The following TRIM21 variants were observed in gnomAD, a reference collection of about 807,000 sequenced individuals.
TRIM21 encodes tripartite motif containing 21, also known as E3 ubiquitin-protein ligase TRIM21.
Under a neutral mutation model 36.1 loss-of-function variants are expected in TRIM21, and 35 were observed. The observed-to-expected ratio is 0.97, with a 90% CI of 0.74 to 1.28. The LOEUF (loss-of-function observed/expected upper bound fraction) is 1.28, where lower values mean the gene tolerates loss of function less well. TRIM21 is among the 50% of genes most tolerant of loss of function. The pLI is 0.00. For synonymous variants in TRIM21, 256 were observed against 211.5 expected, an observed-to-expected ratio of 1.21 and a Z score of -1.83; for missense variants, 635 against 570.7, an observed-to-expected ratio of 1.11 and a Z score of -1.15.
chr11:4,388,541 A>G lies in TRIM21; in HGVS notation c.505-11T>C. On this transcript the variant is annotated splice_polypyrimidine_tract_variant and intron_variant, in intron 3 of 6. Coordinates refer to ENST00000254436, the MANE Select transcript of TRIM21 (RefSeq NM_003141.4). ...TGTTTCCACTGTTTTCTTTAGTGTC[A>G]AGGGAAAGGGAGAGGTGGTTTTTAT... is the stretch of plus-strand genomic sequence containing the variant. The G allele has an allele frequency of 6.2e-7, 1 of 1,603,014 alleles. No homozygotes were observed. Among genetic ancestry groups the G allele is most frequent in the Non-Finnish European group, 8.5e-7 (1 of 1,178,976 alleles).
At position 4,385,100 on chromosome 11, in the gene TRIM21, G is replaced by C. The variant is rs1400186062; in HGVS notation, c.*185C>G. On this transcript the variant is annotated 3_prime_UTR_variant, in exon 7 of 7. Coordinates refer to ENST00000254436, the MANE Select transcript of TRIM21 (RefSeq NM_003141.4). ...TATAAGGAGGCTGCTTCACTGGAGG[G>C]AATCACAAAGCCATCTGGGGCAGGA... 5 of 579,010 alleles carry C rather than the reference G, an allele frequency of 8.6e-6. No homozygotes were observed. The Admixed American group carries it at 1.7e-4, about 19-fold the overall frequency. The allele number at this position is 579,010 out of a possible 1,614,324, so 35.9% of individuals were successfully genotyped here.
At chr11:4,387,070 C>T in intron 4 of TRIM21, 80 bp from the exon 5 acceptor site, 3 of 1,442,296 alleles carry the variant, frequency 2.1e-6, no homozygotes, top group Non-Finnish European at 1.9e-6. Flanking sequence ...TGATGTGATC[C>T]ATCTTTGGTC....
Position 4,385,435 on chromosome 11 carries a change from A to G in TRIM21, c.1278T>C (p.His426=). The G allele has an allele frequency of 1.2e-6, 2 of 1,613,620 alleles. No individual in the cohort carries two copies. The highest frequency in any genetic ancestry group is 1.7e-6 in the Non-Finnish European group (2 of 1,179,764). The change falls in exon 7 of 7, where the codon CAT becomes CAC. Residue 426 remains histidine (H), a synonymous_variant. Coordinates refer to ENST00000254436, the MANE Select transcript of TRIM21 (RefSeq NM_003141.4). ...CAGAGAAGGAGTAGATGAGGGAGCC[A>G]TGGTCAGTGATGTTGTAGAAGGAGA... ...GMVSFYNITD[H]GSLIYSFSEC...
intron 4 of TRIM21, 42 bp downstream of exon 4, chr11:4,388,258 G>T (rs372399550): frequency 7.8e-6 from 12 of 1,542,028 alleles, no homozygotes; most frequent in Non-Finnish European, 9.7e-6. Context: ...GTCTTTTTCA[G>T]TTATTCCCTG....
intron 1 of TRIM21, among the ~76,000 whole-genome samples, chr11:4,390,995 T>A (rs927679135): frequency 1.1e-4 from 14 of 131,714 alleles, no homozygotes; most frequent in African/African-American, 3.9e-4. Flanking sequence ...TTGGGAAAAC[T>A]CTCTAGGACA....
rs1314781117 is a variant in TRIM21 at position 4,390,101 on chromosome 11, A to T, written c.309T>A (p.Cys103Ter). 1.9e-5 allele frequency: 30 copies of T among 1,613,782 alleles called. No homozygotes were observed. The highest frequency in any genetic ancestry group is 2.7e-5 in the African/African-American group (2 of 75,008). Residue 103 changes from cysteine (C) to a stop codon, truncating the protein, a stop_gained, in exon 2 of 7, where the codon TGT (cysteine) becomes TGA (stop). Transcript: ENST00000254436. LOFTEE classifies it high-confidence loss of function. Reference protein sequence around the residue: ...AVHGERLHLFCEKDGKALCWV... With the variant: ...AVHGERLHLF The stretch of plus-strand genomic sequence containing the variant: ...AGCAAAGGGCCTTCCCATCTTTCTC[A>T]CAGAACAGGTGAAGTCTCTCTCCAT...
intron 3 of TRIM21, among the ~76,000 whole-genome samples, chr11:4,389,052 C>T (rs1305849925): frequency 6.6e-6 from 1 of 152,184 alleles, no homozygotes; most frequent in African/African-American, 2.4e-5. Context: ...TTTGTCACCA[C>T]AACCCAACTC....
At chr11:4,392,639 T>C (rs1023434875) in intron 1 of TRIM21, among the ~76,000 whole-genome samples, 2 of 151,510 alleles carry the variant, frequency 1.3e-5, no homozygotes, top group African/African-American at 4.8e-5. Context: ...GTAATTACTT[T>C]TGCACCGATC....
chr11:4,388,483 C>T lies in TRIM21; in HGVS notation c.552G>A (p.Gln184=), dbSNP rs764861100. 1 of 1,612,820 alleles carries T rather than the reference C, an allele frequency of 6.2e-7. No individual in the cohort carries two copies. Among genetic ancestry groups the T allele is most frequent in the South Asian group, 1.1e-5 (1 of 91,084 alleles). Residue 184 remains glutamine (Q), a synonymous_variant, in exon 4 of 7, where the codon CAG becomes CAA. Transcript: ENST00000254436. ...CTTCTTCAACCAGGAAGTTTTTTTG[C>T]TGCACAAACTCTGCGTGAATCCTAG... is the stretch of plus-strand genomic sequence containing the variant. The part of the protein sequence containing the change: ...QKSRIHAEFV[Q]QKNFLVEEEQ...
chr11:4,386,746 T>G (rs2094956695), intron 5 of TRIM21, among the ~76,000 whole-genome samples: 1 of 152,140 alleles, frequency 6.6e-6, no homozygotes. Context: ...GACTTTACTG[T>G]GTGAAGATGT....
At position 4,391,221 on chromosome 11, in the gene TRIM21, T is replaced by C. The variant is rs1484136096; in HGVS notation, c.-49-763A>G. 1.8e-4 allele frequency among the ~76,000 whole-genome samples: 28 copies of C among 151,762 alleles called. 1 individual carries two copies. Among genetic ancestry groups the C allele is most frequent in the Non-Finnish European group, 2.9e-5 (2 of 67,900 alleles). Reference sequence around the variant, plus strand: ...AGAATATATAAGGAGCTCAAACAACTCTATAGGAAAAAAAATAATAATCTG... The same window carrying C: ...AGAATATATAAGGAGCTCAAACAACCCTATAGGAAAAAAAATAATAATCTG... On this transcript the variant is annotated intron_variant, in intron 1 of 6. Transcript: ENST00000254436.
At position 4,385,819 on chromosome 11, in the gene TRIM21, C is replaced by T. The variant is rs374814716; in HGVS notation, c.894G>A (p.Pro298=). Residue 298 remains proline (P), a synonymous_variant, in exon 7 of 7, where the codon CCG becomes CCA. Transcript: ENST00000254436. ...HITLDPDTAN[P]WLILSEDRRQ... ...TCCGATCTTCTGAAAGTATCAGCCA[C>T]GGATTGGCTGTGTCTGGATCCAGAG... is the stretch of plus-strand genomic sequence containing the variant. 2.2e-5 allele frequency: 35 copies of T among 1,612,534 alleles called. No individual in the cohort carries two copies. The highest frequency in any genetic ancestry group is 2.7e-5 in the Non-Finnish European group (32 of 1,179,350).
intron 1 of TRIM21, among the ~76,000 whole-genome samples, chr11:4,393,318 G>C (rs574904759): frequency 1.7e-4 from 26 of 152,086 alleles, no homozygotes; most frequent in African/African-American, 5.8e-4. Flanking sequence ...GCCAGCATGG[G>C]GGCAGCCGGG....
chr11:4,391,247 A>T (rs775660309), intron 1 of TRIM21, among the ~76,000 whole-genome samples: 1 of 152,234 alleles, frequency 6.6e-6, no homozygotes, highest in African/African-American at 2.4e-5. Flanking sequence ...TAATAATCTG[A>T]CTCAAAAATG....
At chr11:4,385,948 C>T (rs2094955849) in intron 6 of TRIM21, 95 bp from the exon 7 acceptor site, 3 of 1,309,600 alleles carry the variant, frequency 2.3e-6, no homozygotes, top group Non-Finnish European at 2.1e-6. Context: ...CCAGGGTAAG[C>T]ATGAGGGGTG....
At position 4,390,365 on chromosome 11, in the gene TRIM21, T is replaced by C; in HGVS notation, c.45A>G (p.Thr15=). The C allele has an allele frequency of 6.2e-7, 1 of 1,613,380 alleles. No individual in the cohort carries two copies. Among genetic ancestry groups the C allele is most frequent in the Non-Finnish European group, 8.5e-7 (1 of 1,179,410 alleles). The change falls in exon 2 of 7, where the codon ACA becomes ACG. Residue 15 remains threonine, a synonymous_variant. Coordinates refer to ENST00000254436, the MANE Select transcript of TRIM21 (RefSeq NM_003141.4). ...CGAAGGGGTCCAGGCAGATAGGGCATGTGACCTCCTCCCACATCATTGTCA... is the reference window on the plus strand; with the variant it reads ...CGAAGGGGTCCAGGCAGATAGGGCACGTGACCTCCTCCCACATCATTGTCA... ...ARLTMMWEEV[T]CPICLDPFVE...
intron 4 of TRIM21, among the ~76,000 whole-genome samples, chr11:4,387,729 G>T (rs2133051496): frequency 6.6e-6 from 1 of 152,232 alleles, no homozygotes; most frequent in African/African-American, 2.4e-5. Context: ...GTGATGTGAG[G>T]CTGAGGCAGG....
chr11:4,391,478 G>C (rs1464079664), intron 1 of TRIM21, among the ~76,000 whole-genome samples: 1 of 152,178 alleles, frequency 6.6e-6, no homozygotes, highest in East Asian at 1.9e-4. Flanking sequence ...CTGTTGGTGG[G>C]AAGGTAAATT....
chr11:4,388,181 A>T, intron 4 of TRIM21, 119 bp downstream of exon 4: 2 of 878,268 alleles, frequency 2.3e-6, no homozygotes, highest in Non-Finnish European at 3.4e-6. Flanking sequence ...TTTGAATTCT[A>T]CTTCATTTAA....
Sources: gnomAD v4.1 joint callset for allele counts (sites outside exome capture counted in the v4.1 genomes callset) on GRCh38, gnomAD v4.1.1 for gene constraint, MANE v1.5 for transcripts, NCBI Gene and HGNC (gene_info 2026-07-23, HGNC 2026-07-21) for gene names.